The following PRAG1 variants were observed in gnomAD, a reference collection of about 807,000 sequenced individuals.
PRAG1 encodes inactive tyrosine-protein kinase PRAG1.
PRAG1 carries 110 observed loss-of-function variants against 95.6 expected under a neutral mutation model. The ratio of observed to expected loss-of-function variants is 1.15; its 90% confidence interval spans 0.99 to 1.35. PRAG1 has a LOEUF of 1.35. Among genes scored for constraint, PRAG1 ranks in the 40% most tolerant of loss-of-function variants. The pLI is 0.00. For synonymous variants in PRAG1, 1,052 were observed against 819.4 expected, an observed-to-expected ratio of 1.28 and a Z score of -4.85; for missense variants, 2,554 against 1,864.7, an observed-to-expected ratio of 1.37 and a Z score of -6.81.
intron 3 of PRAG1, chr8:8,374,575 A>C: frequency 1.2e-6 from 1 of 845,844 alleles, no homozygotes; most frequent in Non-Finnish European, 1.4e-6. Flanking sequence ...TCTGAGGATG[A>C]AATGAGTTGT....
intron 3 of PRAG1, among the ~76,000 whole-genome samples, chr8:8,371,270 T>C (rs948849485): frequency 8.0e-5 from 12 of 150,920 alleles, no homozygotes; most frequent in Non-Finnish European, 1.2e-4. Flanking sequence ...AAAACTTTCT[T>C]TTTTTTTTGA....
In PRAG1 at chr8:8,377,981, G is replaced by A; in HGVS notation, c.428C>T (p.Ala143Val). ...LGSFRGVQKP[A>V]GPSTSPDGNS... ...GCCATCAGGGGAGGTAGAGGGACCAGCAGGCTTCTGTACACCTCGGAAGCT... is the reference window on the plus strand; with the variant it reads ...GCCATCAGGGGAGGTAGAGGGACCAACAGGCTTCTGTACACCTCGGAAGCT... Residue 143 changes from alanine to valine, a missense_variant, in exon 3 of 6, where the codon GCT becomes GTT. Physicochemically the swap from Ala to Val is moderately conservative, Grantham distance 64 (BLOSUM62 0). Coordinates refer to ENST00000615670, the MANE Select transcript of PRAG1 (RefSeq NM_001080826.3). 6.2e-7 allele frequency: 1 copy of A among 1,612,918 alleles called. No homozygotes were observed. Among genetic ancestry groups the A allele is most frequent in the Non-Finnish European group, 8.5e-7 (1 of 1,179,580 alleles).
In PRAG1 at chr8:8,328,243, G is replaced by T. The variant is rs1798706841; in HGVS notation, c.2539C>A (p.Leu847Met). Reference sequence around the variant, plus strand: ...TTGGTTTCCGAGTGGCTTAGGTTCAGCTTGGGGCTTGCTGTTCCGGGCTTG... The same window carrying T: ...TTGGTTTCCGAGTGGCTTAGGTTCATCTTGGGGCTTGCTGTTCCGGGCTTG... ...SPKPGTASPK[L>M]NLSHSETNVH... The change falls in exon 5 of 6, where the codon CTG (leucine) becomes ATG (methionine). Residue 847 changes from leucine to methionine, a missense_variant. Coordinates refer to ENST00000615670, the MANE Select transcript of PRAG1 (RefSeq NM_001080826.3). 1.2e-6 allele frequency: 2 copies of T among 1,614,212 alleles called. No individual in the cohort carries two copies. The highest frequency in any genetic ancestry group is 1.6e-4 in the Middle Eastern group (1 of 6,062).
chr8:8,342,356 C>T (rs1393453864), intron 3 of PRAG1, among the ~76,000 whole-genome samples: 1 of 151,734 alleles, frequency 6.6e-6, no homozygotes, highest in Non-Finnish European at 1.5e-5. Flanking sequence ...CCACCACGCC[C>T]CGCTAATTTT....
intron 3 of PRAG1, among the ~76,000 whole-genome samples, chr8:8,369,761 A>G (rs901802786): frequency 2.0e-5 from 3 of 151,426 alleles, no homozygotes; most frequent in Non-Finnish European, 1.5e-5. Context: ...TGAAACAGAC[A>G]CAGTTAAGGG....
chr8:8,341,229 C>T (rs1440732638), intron 3 of PRAG1, among the ~76,000 whole-genome samples: 1 of 152,156 alleles, frequency 6.6e-6, no homozygotes, highest in Non-Finnish European at 1.5e-5. Flanking sequence ...AGAGCTGGCA[C>T]AGCTTCCCAC....
chr8:8,341,205 A>G (rs1799151251), intron 3 of PRAG1, among the ~76,000 whole-genome samples: 1 of 152,190 alleles, frequency 6.6e-6, no homozygotes, highest in South Asian at 2.1e-4. Context: ...GAGAAACTAC[A>G]GCACCATGGC....
chr8:8,337,689 G>T (rs2117140989), intron 4 of PRAG1, among the ~76,000 whole-genome samples: 1 of 152,300 alleles, frequency 6.6e-6, no homozygotes, highest in African/African-American at 2.4e-5. Flanking sequence ...CAACTAGCTT[G>T]TGATAAAGGA....
intron 3 of PRAG1, among the ~76,000 whole-genome samples, chr8:8,368,673 G>C (rs779080965): frequency 6.6e-6 from 1 of 152,126 alleles, no homozygotes; most frequent in Non-Finnish European, 1.5e-5. Flanking sequence ...ATCAAATGTA[G>C]GCTGGCCATT....
chr8:8,351,018 T>C (rs1363826471), intron 3 of PRAG1, among the ~76,000 whole-genome samples: 1 of 152,166 alleles, frequency 6.6e-6, no homozygotes, highest in Non-Finnish European at 1.5e-5. Flanking sequence ...GTCTCCAGTA[T>C]ACTGAGTGTA....
intron 3 of PRAG1, among the ~76,000 whole-genome samples, chr8:8,363,297 A>G (rs1799903423): frequency 6.6e-6 from 1 of 152,140 alleles, no homozygotes; most frequent in African/African-American, 2.4e-5. Flanking sequence ...AAATTTTAGG[A>G]GTTGTTTGCC....
At chr8:8,379,993 C>T (rs889487739) in intron 2 of PRAG1, among the ~76,000 whole-genome samples, 1 of 152,132 alleles carries the variant, frequency 6.6e-6, no homozygotes, top group Non-Finnish European at 1.5e-5. Context: ...ATAATCCCAG[C>T]ACTATGGGAG....
rs1361653955 is a variant in PRAG1 at position 8,377,091 on chromosome 8, G to A, written c.1318C>T (p.Gln440Ter). Residue 440 changes from glutamine to a stop codon, truncating the protein, a stop_gained, in exon 3 of 6, where the codon CAG (glutamine) becomes TAG (stop). Transcript: ENST00000615670. LOFTEE classifies it high-confidence loss of function. The part of the protein sequence containing the change: ...QAKIEHAAAA[Q>*]GQGQVCTGNA... ...CCTGTGCATACCTGGCCTTGGCCCT[G>A]GGCAGCAGCTGCATGTTCTATCTTG... 1.2e-6 allele frequency: 2 copies of A among 1,613,766 alleles called. No individual in the cohort carries two copies. The highest frequency in any genetic ancestry group is 1.3e-5 in the African/African-American group (1 of 75,070).
intron 3 of PRAG1, among the ~76,000 whole-genome samples, chr8:8,370,505 T>G (rs1800156713): frequency 6.6e-6 from 1 of 152,208 alleles, no homozygotes; most frequent in South Asian, 2.1e-4. Context: ...ACTGTGATTT[T>G]CAAAATGCCG....
intron 3 of PRAG1, among the ~76,000 whole-genome samples, chr8:8,352,465 G>A (rs867405456): frequency 1.3e-5 from 2 of 152,132 alleles, no homozygotes; most frequent in East Asian, 1.9e-4. Flanking sequence ...GGGCTCCCTG[G>A]TAATGCTTGT....
chr8:8,375,024 A>C (rs987337489), intron 3 of PRAG1, among the ~76,000 whole-genome samples: 1 of 151,872 alleles, frequency 6.6e-6, no homozygotes, highest in Non-Finnish European at 1.5e-5. Flanking sequence ...TTTCGCTCTA[A>C]TCGAGAGAAA....
rs747922458 is a variant in PRAG1 at position 8,377,712 on chromosome 8, G to T, written c.697C>A (p.Pro233Thr). ...QGPGPLRESL[P>T]SEDDSDQRCS... ...CTTTGATCACTGTCATCCTCCGAGG[G>T]CAGGGATTCCCGCAGGGGCCCAGGG... The change falls in exon 3 of 6, where the codon CCC becomes ACC. Residue 233 changes from proline (P) to threonine (T), a missense_variant. Physicochemically the swap from Pro to Thr is conservative, Grantham distance 38 (BLOSUM62 -1). Coordinates refer to ENST00000615670, the MANE Select transcript of PRAG1 (RefSeq NM_001080826.3). 27 of 1,613,860 alleles carry T rather than the reference G, an allele frequency of 1.7e-5. No individual in the cohort carries two copies. In the Admixed American group the frequency reaches 3.2e-4, roughly 19 times the overall value.
At chr8:8,373,610 T>C (rs945063089) in intron 3 of PRAG1, among the ~76,000 whole-genome samples, 3 of 152,032 alleles carry the variant, frequency 2.0e-5, no homozygotes, top group African/African-American at 7.2e-5. Context: ...CCACCATCCC[T>C]GGCTGATTTT....
chr8:8,384,263 C>A (rs1800776380), intron 1 of PRAG1, among the ~76,000 whole-genome samples: 1 of 152,052 alleles, frequency 6.6e-6, no homozygotes, highest in South Asian at 2.1e-4. Context: ...ACATTGGTAT[C>A]AGAGGCCCTA....
Sources: allele counts gnomAD v4.1 joint callset (sites outside exome capture counted in the v4.1 genomes callset), GRCh38; gene constraint gnomAD v4.1.1; transcripts MANE v1.5; gene names NCBI Gene and HGNC (gene_info 2026-07-23, HGNC 2026-07-21).